The following HMMR variants were observed in gnomAD, a reference collection of about 807,000 sequenced individuals.
The protein encoded by HMMR is hyaluronan mediated motility receptor, also known as intracellular hyaluronic acid-binding protein.
Under a neutral mutation model 101.0 loss-of-function variants are expected in HMMR, and 108 were observed. That is an observed-to-expected ratio of 1.07 (90% CI 0.92 to 1.25). The LOEUF is 1.25. Among genes scored for constraint, HMMR ranks in the 50% most tolerant of loss-of-function variants. The pLI, the probability that HMMR is intolerant of heterozygous loss-of-function variation, is 0.00. For missense variants in HMMR, 813 were observed against 788.7 expected (o/e 1.03, Z -0.37); for synonymous variants, 296 against 276.4 (o/e 1.07, Z -0.70).
intron 10 of HMMR, among the ~76,000 whole-genome samples, chr5:163,474,906 T>A (rs1418785007): frequency 6.6e-6 from 1 of 151,972 alleles, no homozygotes; most frequent in Non-Finnish European, 1.5e-5. Flanking sequence ...ATCATTTATA[T>A]CCCTCCCCAA....
rs1187718780 is a variant in HMMR, at chr5:163,484,082, C to T, written c.1799C>T (p.Ala600Val). Residue 600 changes from alanine (A) to valine (V), a missense_variant, in exon 16 of 18, where the codon GCT becomes GTT. Physicochemically the swap from Ala to Val is moderately conservative, Grantham distance 64. Coordinates refer to ENST00000393915, the MANE Select transcript of HMMR (RefSeq NM_001142556.2). ...KTKPFQLQLD[A>V]FEVEKQALLN... is the part of the protein sequence containing the mutation. Reference sequence around the variant, plus strand: ...AATCTTTTTCAGCTACAACTAGATGCTTTTGAAGTAGAAAAACAGGCATTG... The same window carrying T: ...AATCTTTTTCAGCTACAACTAGATGTTTTTGAAGTAGAAAAACAGGCATTG... The T allele has an allele frequency of 1.3e-6, 2 of 1,589,824 alleles. No homozygotes were observed. Among genetic ancestry groups the T allele is most frequent in the Non-Finnish European group, 8.6e-7 (1 of 1,168,336 alleles).
At chr5:163,461,654 G>A (rs777665635) in intron 1 of HMMR, among the ~76,000 whole-genome samples, 2 of 152,056 alleles carry the variant, frequency 1.3e-5, no homozygotes, top group African/African-American at 2.4e-5. Flanking sequence ...CGCGGTGGCG[G>A]GCGCCTGTAG....
Position 163,471,250 on chromosome 5 carries a change from C to G in HMMR, c.528C>G (p.Asn176Lys). The change falls in exon 6 of 18, where the codon AAC becomes AAG. Residue 176 changes from asparagine to lysine, a missense_variant. By Grantham distance (94) the Asn-to-Lys change is moderately conservative (BLOSUM62 0). Coordinates refer to ENST00000393915, the MANE Select transcript of HMMR (RefSeq NM_001142556.2). ...GCTTGGAGTTGATGAAACTTAGAAA[C>G]AAAAGAGAAACAAAGATGAGGGTGA... The part of the protein sequence containing the change: ...ILSLELMKLR[N>K]KRETKMRGMM... 3.1e-6 allele frequency: 5 copies of G among 1,612,960 alleles called. No homozygotes were observed. Among genetic ancestry groups the G allele is most frequent in the Non-Finnish European group, 3.4e-6 (4 of 1,179,072 alleles).
At chr5:163,464,614 A>T (rs1758641245) in intron 2 of HMMR, 109 bp from the exon 3 acceptor site, 1 of 761,176 alleles carries the variant, frequency 1.3e-6, no homozygotes. Context: ...TGTCTCAAAA[A>T]ACAAAAACAA....
rs766339464 is a variant in HMMR, at chr5:163,460,734, T to C, written c.42T>C (p.Pro14=). ...PKAPLKRFND[P]SGCAPSPGAY... ...CGCCCTTGAAACGATTCAATGACCC[T>C]TCTGGTGCGTAAGGGGGAAAGAGCT... The change falls in exon 1 of 18, where the codon CCT becomes CCC. Residue 14 remains proline, a synonymous_variant. Transcript: ENST00000393915. 19 of 1,607,452 alleles carry C rather than the reference T, an allele frequency of 1.2e-5. No homozygotes were observed. Among genetic ancestry groups the C allele is most frequent in the Non-Finnish European group, 1.6e-5 (19 of 1,176,826 alleles).
rs1758815283 is a variant in HMMR at position 163,469,742 on chromosome 5, G to A, written c.375G>A (p.Arg125=). Residue 125 remains arginine, a synonymous_variant, in exon 5 of 18, where the codon AGG becomes AGA. Transcript: ENST00000393915. ...KMEARLNAAL[R]EKTSLSANNA... is the part of the protein sequence containing the mutation. ...AAGCAAGGCTAAATGCTGCACTAAG[G>A]GAAAAAACATCTCTCTCTGCAAATA... The A allele has an allele frequency of 1.4e-5, 23 of 1,612,776 alleles. No homozygotes were observed. The highest frequency in any genetic ancestry group is 2.0e-5 in the Non-Finnish European group (23 of 1,179,070).
chr5:163,483,375 AGTT>A lies in HMMR; in HGVS notation c.1785+9_1785+11del. ...AAAACAAAACCTTTTCAGGTTTGTCAGTTAGGAGTAAACTTACTTGTGTTTATT... is the reference window on the plus strand; with the variant it reads ...AAAACAAAACCTTTTCAGGTTTGTCAAGGAGTAAACTTACTTGTGTTTATT... On this transcript the variant is annotated intron_variant, in intron 15 of 17. Coordinates refer to ENST00000393915, the MANE Select transcript of HMMR (RefSeq NM_001142556.2). The A allele has an allele frequency of 7.0e-7, 1 of 1,433,948 alleles. No individual in the cohort carries two copies. The highest frequency in any genetic ancestry group is 9.8e-7 in the Non-Finnish European group (1 of 1,023,384). 88.8% of individuals were successfully genotyped at this position (1,433,948 alleles called of 1,614,324 possible).
intron 11 of HMMR, among the ~76,000 whole-genome samples, chr5:163,477,467 A>G (rs1391319257): frequency 6.6e-6 from 1 of 152,196 alleles, no homozygotes; most frequent in African/African-American, 2.4e-5. Context: ...GATGCAAATG[A>G]ACAGCAAGGT....
At chr5:163,465,824 G>C (rs897175319) in intron 3 of HMMR, among the ~76,000 whole-genome samples, 1 of 152,000 alleles carries the variant, frequency 6.6e-6, no homozygotes, top group Non-Finnish European at 1.5e-5. Context: ...TGCTGGACGT[G>C]GTGGCACGTG....
At chr5:163,483,997 T>C in intron 15 of HMMR, 72 bp from the exon 16 acceptor site, 1 of 854,438 alleles carries the variant, frequency 1.2e-6, no homozygotes, top group Non-Finnish European at 1.9e-6. Context: ...TTCTTTAGTG[T>C]TTATGGTTTA....
chr5:163,479,625 T>C (rs1195753055), intron 12 of HMMR, among the ~76,000 whole-genome samples: 2 of 152,168 alleles, frequency 1.3e-5, no homozygotes, highest in Non-Finnish European at 2.9e-5. Flanking sequence ...ATCACACCAC[T>C]GCGCTCCAGC....
In HMMR at chr5:163,491,729, G is replaced by C. The variant is rs1399941308; in HGVS notation, c.*565G>C. On this transcript the variant is annotated 3_prime_UTR_variant, in exon 18 of 18. Coordinates refer to ENST00000393915, the MANE Select transcript of HMMR (RefSeq NM_001142556.2). Reference sequence around the variant, plus strand: ...CAGGTTCTTAGGCTCCATCCTGTTTGTATGAAATTATAATCTGTGGATTGG... The same window carrying C: ...CAGGTTCTTAGGCTCCATCCTGTTTCTATGAAATTATAATCTGTGGATTGG... 6.6e-6 allele frequency: 1 copy of C among 152,108 alleles called. No individual in the cohort carries two copies. Among genetic ancestry groups the C allele is most frequent in the Non-Finnish European group, 1.5e-5 (1 of 68,020 alleles). 9.4% of individuals were successfully genotyped at this position (152,108 alleles called of 1,614,324 possible).
At chr5:163,479,904 G>A (rs1297671405) in intron 12 of HMMR, among the ~76,000 whole-genome samples, 1 of 151,920 alleles carries the variant, frequency 6.6e-6, no homozygotes, top group Admixed American at 6.6e-5. Context: ...TTTATTTTGG[G>A]TGGAACTACA....
chr5:163,483,006 C>G lies in HMMR; in HGVS notation c.1533-14C>G. Reference sequence around the variant, plus strand: ...TATAAAATGTTTAGTGACCTCTTCTCTCTCAAACCAAAGGATGCTTCTAGA... The same window carrying G: ...TATAAAATGTTTAGTGACCTCTTCTGTCTCAAACCAAAGGATGCTTCTAGA... On this transcript the variant is annotated splice_polypyrimidine_tract_variant and intron_variant, in intron 13 of 17. Coordinates refer to ENST00000393915, the MANE Select transcript of HMMR (RefSeq NM_001142556.2). 6.4e-7 allele frequency: 1 copy of G among 1,573,156 alleles called. No individual in the cohort carries two copies. The highest frequency in any genetic ancestry group is 1.4e-5 in the African/African-American group (1 of 72,580).
chr5:163,483,219 G>A, intron 14 of HMMR, 47 bp downstream of exon 14: 1 of 1,596,476 alleles, frequency 6.3e-7, no homozygotes, highest in Middle Eastern at 1.7e-4. Context: ...CAGTTACGAT[G>A]TGATTTTTTA....
chr5:163,471,817 A>T (rs2113474388), intron 7 of HMMR, among the ~76,000 whole-genome samples: 2 of 152,298 alleles, frequency 1.3e-5, no homozygotes, highest in Middle Eastern at 6.8e-3. Flanking sequence ...TTTAATATAC[A>T]TATAATAAAA....
intron 5 of HMMR, among the ~76,000 whole-genome samples, chr5:163,470,703 C>A (rs1269074065): frequency 6.6e-6 from 1 of 152,098 alleles, no homozygotes; most frequent in African/African-American, 2.4e-5. Context: ...GGGATAAGAA[C>A]AGTAGACTGG....
Position 163,469,722 on chromosome 5 carries a change from A to C in HMMR, c.355A>C (p.Arg119=). The C allele has an allele frequency of 6.8e-6, 11 of 1,613,776 alleles. No homozygotes were observed. Among genetic ancestry groups the C allele is most frequent in the Non-Finnish European group, 9.3e-6 (11 of 1,179,672 alleles). Reference sequence around the variant, plus strand: ...AACTGAGTTGGAAAAGATGGAAGCAAGGCTAAATGCTGCACTAAGGGAAAA... The same window carrying C: ...AACTGAGTTGGAAAAGATGGAAGCACGGCTAAATGCTGCACTAAGGGAAAA... ...LETELEKMEA[R]LNAALREKTS... Residue 119 remains arginine (R), a synonymous_variant, in exon 5 of 18, where the codon AGG becomes CGG. Transcript: ENST00000393915.
At chr5:163,468,697 C>G (rs143820729) in intron 4 of HMMR, among the ~76,000 whole-genome samples, 2 of 152,216 alleles carry the variant, frequency 1.3e-5, no homozygotes, top group East Asian at 3.9e-4. Flanking sequence ...GGAATAATCA[C>G]TGAGTCTCAG....
Sources: allele counts gnomAD v4.1 joint callset (sites outside exome capture counted in the v4.1 genomes callset), GRCh38; gene constraint gnomAD v4.1.1; transcripts MANE v1.5; gene names NCBI Gene and HGNC (gene_info 2026-07-23, HGNC 2026-07-21).